Variants in DYSF observed in about 807,000 individuals in gnomAD.
DYSF encodes dystrophy-associated fer-1-like 1.
A neutral mutation model predicts 274.9 loss-of-function variants in DYSF; 212 were observed. The ratio of observed to expected loss-of-function variants is 0.77; its 90% CI spans 0.69 to 0.86. The LOEUF (loss-of-function observed/expected upper bound fraction) is 0.86. Among genes scored for constraint, DYSF ranks in the 40% least tolerant of loss-of-function variants. The pLI, the probability that DYSF is intolerant of heterozygous loss-of-function variation, is 0.00. For synonymous variants in DYSF, 1,091 were observed against 1,078.7 expected, an observed-to-expected ratio of 1.01 and a Z score of -0.22; for missense variants, 2,666 against 2,783.2, an observed-to-expected ratio of 0.96 and a Z score of 0.95.
At chr2:71,481,254 C>T (rs1466903927) in intron 2 of DYSF, among the ~76,000 whole-genome samples, 2 of 152,192 alleles carry the variant, frequency 1.3e-5, no homozygotes, top group African/African-American at 4.8e-5. Context: ...GTTCCTTTTT[C>T]CTTGCTCAAA....
At chr2:71,652,923 T>C (rs1261491251) in intron 42 of DYSF, among the ~76,000 whole-genome samples, 1 of 152,238 alleles carries the variant, frequency 6.6e-6, no homozygotes, top group Non-Finnish European at 1.5e-5. Flanking sequence ...GCCTAACCAT[T>C]TAGCAAAAAA....
At chr2:71,673,316 G>A (rs1457832872) in intron 51 of DYSF, among the ~76,000 whole-genome samples, 1 of 152,198 alleles carries the variant, frequency 6.6e-6, no homozygotes, top group African/African-American at 2.4e-5. Context: ...GTCCCACACC[G>A]CTCAGTTGCT....
At position 71,513,765 on chromosome 2, in the gene DYSF, G is replaced by A. The variant is rs765064954; in HGVS notation, c.603G>A (p.Glu201=). 8 of 1,614,182 alleles carry A rather than the reference G, an allele frequency of 5.0e-6. No homozygotes were observed. The South Asian group carries it at 8.8e-5, about 18-fold the overall frequency. ...DTEDQGLTGD[E]AEPFLDQSGG... ...AGGACCAGGGACTCACTGGAGATGA[G>A]GCGGAGCCATTCCTGGATCAAAGCG... The change falls in exon 7 of 56, where the codon GAG becomes GAA. Residue 201 remains glutamate (E), a synonymous_variant. Transcript: ENST00000410020.
At chr2:71,464,037 CCT>C (rs1180995234), upstream of DYSF, among the ~76,000 whole-genome samples, 1 of 152,176 alleles carries the variant, frequency 6.6e-6, no homozygotes, top group Admixed American at 6.5e-5. Context: ...CTCAGACTCT[CCT>C]CTCTTTCCTT....
chr2:71,567,404 G>C (rs1009843179), intron 24 of DYSF, among the ~76,000 whole-genome samples: 23 of 152,182 alleles, frequency 1.5e-4, no homozygotes, highest in African/African-American at 5.5e-4. Context: ...ACAAGTTTTA[G>C]AACTGTGCTG....
chr2:71,622,675 G>T (rs866570948), intron 41 of DYSF, among the ~76,000 whole-genome samples: 1 of 152,160 alleles, frequency 6.6e-6, no homozygotes, highest in African/African-American at 2.4e-5. Context: ...GAGTGCAGTG[G>T]TGTTGTCTTG....
At chr2:71,609,258 C>T (rs1008137253) in intron 36 of DYSF, among the ~76,000 whole-genome samples, 1 of 152,368 alleles carries the variant, frequency 6.6e-6, no homozygotes, top group African/African-American at 2.4e-5. Context: ...CCCTGTCCAT[C>T]ACCCCTGCTT....
Position 71,646,974 on chromosome 2 carries a change from A to G in DYSF, c.4626+2911A>G, listed in dbSNP as rs141887159. Among the ~76,000 whole-genome samples the G allele has an allele frequency of 6.8e-3, 1,037 of 152,144 alleles. 5 individuals carry two copies. Among genetic ancestry groups the G allele is most frequent in the Middle Eastern group, 0.034 (10 of 294 alleles). ...AAGGAAACAAAATAGAGAGTTTTAT[A>G]TAAATAAAAGATGTATATTTCAATG... On this transcript the variant is annotated intron_variant, in intron 42 of 55. Coordinates refer to ENST00000410020, the MANE Select transcript of DYSF (RefSeq NM_001130987.2).
intron 29 of DYSF, among the ~76,000 whole-genome samples, chr2:71,571,867 ATCACACCCAGCACACACAGC>A (rs2092491672): frequency 2.6e-5 from 3 of 116,280 alleles, no homozygotes; most frequent in East Asian, 2.6e-4. Flanking sequence ...CCACACACAG[ATCACACCCAGCACACACAGC>A]TCACACCCAG....
chr2:71,633,641 A>G (rs980830264), intron 41 of DYSF, among the ~76,000 whole-genome samples: 3 of 152,184 alleles, frequency 2.0e-5, no homozygotes, highest in African/African-American at 7.2e-5. Context: ...TAGGATGTCT[A>G]TCTCTGGGTT....
intron 17 of DYSF, among the ~76,000 whole-genome samples, chr2:71,541,836 G>C (rs878900136): frequency 6.6e-6 from 1 of 151,776 alleles, no homozygotes; most frequent in African/African-American, 2.4e-5. Context: ...TTCATAGTTA[G>C]TCTATTTTTT....
At chr2:71,601,416 T>C in intron 34 of DYSF, 83 bp from the exon 35 acceptor site, 1 of 1,564,850 alleles carries the variant, frequency 6.4e-7, no homozygotes, top group Non-Finnish European at 8.8e-7. Flanking sequence ...GTCTGATCAC[T>C]GACATAGTCC....
At chr2:71,527,377 T>C (rs1049519741) in intron 13 of DYSF, among the ~76,000 whole-genome samples, 3 of 152,198 alleles carry the variant, frequency 2.0e-5, no homozygotes, top group African/African-American at 4.8e-5. Context: ...AGAAATGAAA[T>C]GTACAAGCTT....
intron 30 of DYSF, among the ~76,000 whole-genome samples, chr2:71,587,528 T>A (rs946541891): frequency 6.6e-6 from 1 of 152,228 alleles, no homozygotes; most frequent in African/African-American, 2.4e-5. Flanking sequence ...CCTTCCCTCG[T>A]AAGGTCATTG....
At chr2:71,494,297 G>GCTGT (rs2084165533) in intron 3 of DYSF, among the ~76,000 whole-genome samples, 1 of 152,216 alleles carries the variant, frequency 6.6e-6, no homozygotes, top group African/African-American at 2.4e-5. Flanking sequence ...TCTAAGTGAT[G>GCTGT]CTGTGTCTGT....
intron 13 of DYSF, among the ~76,000 whole-genome samples, chr2:71,526,997 A>G (rs1395228262): frequency 6.6e-6 from 1 of 152,242 alleles, no homozygotes; most frequent in African/African-American, 2.4e-5. Context: ...TTGGCCCGAT[A>G]CTAGACCCAT....
intron 36 of DYSF, among the ~76,000 whole-genome samples, chr2:71,608,683 G>T (rs1558606009): frequency 6.6e-6 from 1 of 152,134 alleles, no homozygotes; most frequent in Non-Finnish European, 1.5e-5. Flanking sequence ...TCCTGAAGAT[G>T]CGGAGCCTGG....
upstream of DYSF, among the ~76,000 whole-genome samples, chr2:71,466,079 C>T (rs1244826136): frequency 1.3e-5 from 2 of 152,208 alleles, no homozygotes; most frequent in African/African-American, 2.4e-5. Context: ...GGTGGGGACT[C>T]GAACCTCGGA....
chr2:71,567,622 A>G (rs901859979), intron 24 of DYSF, among the ~76,000 whole-genome samples: 6 of 152,178 alleles, frequency 3.9e-5, no homozygotes, highest in African/African-American at 1.4e-4. Flanking sequence ...CCAGAAGAAA[A>G]TGGAAGCGAG....
Sources: allele counts gnomAD v4.1 joint callset (sites outside exome capture counted in the v4.1 genomes callset), GRCh38; gene constraint gnomAD v4.1.1; transcripts MANE v1.5; gene names NCBI Gene and HGNC (gene_info 2026-07-23, HGNC 2026-07-21).